FRMD5: variants seen among roughly 807,000 people sequenced by gnomAD.
FRMD5 encodes the protein FERM domain containing 5.
A neutral mutation model predicts 69.0 loss-of-function variants in FRMD5; 20 were observed. The observed-to-expected ratio is 0.29, with a 90% CI of 0.20 to 0.42. FRMD5 has a LOEUF of 0.42. Ranked by LOEUF, FRMD5 falls within the 10% of genes least tolerant of loss-of-function variation. FRMD5 has a pLI of 1.00. For missense variants in FRMD5, 595 were observed against 708.6 expected, an observed-to-expected ratio of 0.84 and a Z score of 1.82; for synonymous variants, 271 against 260.1, an observed-to-expected ratio of 1.04 and a Z score of -0.40.
In FRMD5 at chr15:43,884,732, T is replaced by C. The variant is rs2088621380; in HGVS notation, c.1023A>G (p.Ile341Met). The C allele has an allele frequency of 6.2e-7, 1 of 1,614,024 alleles. No individual in the cohort carries two copies. The highest frequency in any genetic ancestry group is 8.5e-7 in the Non-Finnish European group (1 of 1,179,936). Residue 341 changes from isoleucine to methionine, a missense_variant, in exon 12 of 14, where the codon ATA (isoleucine) becomes ATG (methionine). By Grantham distance (10) the Ile-to-Met change is conservative. Coordinates refer to ENST00000417257, the MANE Select transcript of FRMD5 (RefSeq NM_032892.5). ...GGAAGCCCCTGGCAGCCTACCTGTG[T>C]ATTTCCGGTGGCTCCCGTTTGATCT... ...SAKIKREPPEIHRAGMVPSRS... is the reference protein window; with the variant it reads ...SAKIKREPPEMHRAGMVPSRS...
At chr15:44,162,090 G>C (rs935537416) in intron 1 of FRMD5, among the ~76,000 whole-genome samples, 1 of 151,984 alleles carries the variant, frequency 6.6e-6, no homozygotes, top group Non-Finnish European at 1.5e-5. Context: ...TCAGCCTCCT[G>C]AGAAGCTGGG....
intron 1 of FRMD5, among the ~76,000 whole-genome samples, chr15:43,927,250 G>A (rs930810625): frequency 1.3e-5 from 2 of 152,086 alleles, no homozygotes; most frequent in Non-Finnish European, 2.9e-5. Flanking sequence ...CACCAGGTGG[G>A]GTGGAGGTCT....
intron 4 of FRMD5, among the ~76,000 whole-genome samples, chr15:43,917,207 G>C (rs1418044031): frequency 1.3e-5 from 2 of 152,120 alleles, no homozygotes; most frequent in East Asian, 3.8e-4. Context: ...CCCCACTGTT[G>C]GTCCAGTGAG....
chr15:43,878,011 C>T (rs188800448), intron 13 of FRMD5, among the ~76,000 whole-genome samples: 1 of 152,116 alleles, frequency 6.6e-6, no homozygotes, highest in Admixed American at 6.5e-5. Context: ...TTTTAAAGTT[C>T]TTTAGTTTTT....
At chr15:44,162,983 GC>G in intron 1 of FRMD5, among the ~76,000 whole-genome samples, 1 of 151,392 alleles carries the variant, frequency 6.6e-6, no homozygotes, top group South Asian at 2.1e-4. Context: ...GACCATCCTG[GC>G]TAACACAGTG....
chr15:43,981,894 T>C (rs749093919), intron 1 of FRMD5, among the ~76,000 whole-genome samples: 3 of 152,230 alleles, frequency 2.0e-5, no homozygotes, highest in Non-Finnish European at 4.4e-5. Flanking sequence ...ACCTCTACCC[T>C]CTCCCCCACT....
chr15:43,892,194 C>T (rs972359550), intron 7 of FRMD5, 125 bp from the exon 8 acceptor site: 2 of 788,932 alleles, frequency 2.5e-6, no homozygotes, highest in Admixed American at 2.1e-5. Flanking sequence ...AAAAGCATAT[C>T]ATCTGGAATC....
chr15:43,954,684 C>T (rs748886056), intron 1 of FRMD5, among the ~76,000 whole-genome samples: 2 of 152,232 alleles, frequency 1.3e-5, no homozygotes, highest in African/African-American at 4.8e-5. Context: ...CTTGCCACAT[C>T]CACCTTCTCT....
In FRMD5 at chr15:44,077,171, A is replaced by G. The variant is rs1384745393; in HGVS notation, c.102+117782T>C. Among the ~76,000 whole-genome samples, 2 of 152,156 alleles carry G rather than the reference A, an allele frequency of 1.3e-5. 1 individual carries two copies. The highest frequency in any genetic ancestry group is 3.9e-4 in the East Asian group (2 of 5,192). ...TATCCATGTCAATGGGTAACTGAAT[A>G]CATTTTAGGAATAAATTGTCATTAC... On this transcript the variant is annotated intron_variant, in intron 1 of 13. Transcript: ENST00000417257.
At chr15:44,171,986 A>G (rs929683174) in intron 1 of FRMD5, among the ~76,000 whole-genome samples, 4 of 151,584 alleles carry the variant, frequency 2.6e-5, no homozygotes, top group African/African-American at 7.3e-5. Flanking sequence ...CTGGTCTCAA[A>G]CTCCTGACCT....
intron 1 of FRMD5, among the ~76,000 whole-genome samples, chr15:44,093,421 G>A (rs1454204482): frequency 1.3e-5 from 2 of 152,008 alleles, no homozygotes; most frequent in Non-Finnish European, 2.9e-5. Context: ...ACTGGCTGAT[G>A]AGCACTTCTC....
At chr15:44,086,273 A>G (rs1894192701) in intron 1 of FRMD5, among the ~76,000 whole-genome samples, 1 of 152,210 alleles carries the variant, frequency 6.6e-6, no homozygotes, top group Non-Finnish European at 1.5e-5. Context: ...TGTTTATAGC[A>G]GCTCTATTCA....
chr15:43,883,728 T>C lies in FRMD5; in HGVS notation c.1110A>G (p.Arg370=), dbSNP rs931668153. ...RLSSVPRTRR[R]AVHISIMEGL... The stretch of plus-strand genomic sequence containing the variant: ...CTTCCATGATGGAGATGTGAACAGC[T>C]CTTCTGCGGGTCCTGGGGACGCTGC... Residue 370 remains arginine (R), a synonymous_variant, in exon 13 of 14, where the codon AGA becomes AGG. Transcript: ENST00000417257. 1.4e-5 allele frequency: 23 copies of C among 1,613,162 alleles called. No homozygotes were observed. Among genetic ancestry groups the C allele is most frequent in the Non-Finnish European group, 1.9e-5 (23 of 1,179,592 alleles).
At position 44,112,686 on chromosome 15, in the gene FRMD5, C is replaced by T. The variant is rs371609127; in HGVS notation, c.102+82267G>A. On this transcript the variant is annotated intron_variant, in intron 1 of 13. Transcript: ENST00000417257. ...TTCACCATGTTATCCAGGATGGTCTCGATCTCATCGAGACCTCATGATCCA... is the reference window on the plus strand; with the variant it reads ...TTCACCATGTTATCCAGGATGGTCTTGATCTCATCGAGACCTCATGATCCA... Among the ~76,000 whole-genome samples, 3 of 151,948 alleles carry T rather than the reference C, an allele frequency of 2.0e-5. No individual in the cohort carries two copies. The East Asian group carries it at 5.8e-4, about 29-fold the overall frequency.
intron 1 of FRMD5, among the ~76,000 whole-genome samples, chr15:43,957,755 T>C (rs185307017): frequency 6.6e-6 from 1 of 152,252 alleles, no homozygotes; most frequent in Non-Finnish European, 1.5e-5. Context: ...GACAGTCTTT[T>C]AAAAGAGCCT....
intron 1 of FRMD5, among the ~76,000 whole-genome samples, chr15:44,058,552 C>T (rs1276926906): frequency 2.0e-5 from 3 of 151,886 alleles, no homozygotes; most frequent in African/African-American, 7.3e-5. Flanking sequence ...TTTGGGAGGC[C>T]GAGGTGGGCA....
intron 1 of FRMD5, among the ~76,000 whole-genome samples, chr15:43,993,837 T>C (rs1889802210): frequency 1.3e-5 from 2 of 152,220 alleles, no homozygotes; most frequent in Non-Finnish European, 2.9e-5. Context: ...TATAATGACC[T>C]TGTCTCATTT....
intron 1 of FRMD5, among the ~76,000 whole-genome samples, chr15:43,946,672 G>T (rs375423277): frequency 2.0e-5 from 3 of 152,148 alleles, no homozygotes; most frequent in African/African-American, 7.2e-5. Context: ...GATCTGGGTC[G>T]TTGAGGGAAG....
At chr15:43,957,640 T>A (rs2090135836) in intron 1 of FRMD5, among the ~76,000 whole-genome samples, 1 of 152,262 alleles carries the variant, frequency 6.6e-6, no homozygotes, top group Admixed American at 6.5e-5. Flanking sequence ...ATTACCTGAT[T>A]TAGTTTTTCT....
Sources: allele counts gnomAD v4.1 joint callset (sites outside exome capture counted in the v4.1 genomes callset), GRCh38; gene constraint gnomAD v4.1.1; transcripts MANE v1.5; gene names NCBI Gene and HGNC (gene_info 2026-07-23, HGNC 2026-07-21).